The following PIKFYVE variants were observed in gnomAD, a reference collection of about 807,000 sequenced individuals.
PIKFYVE encodes 1-phosphatidylinositol 3-phosphate 5-kinase.
In PIKFYVE, 122 loss-of-function variants were observed where a neutral mutation model predicts 257.9. That is an observed-to-expected ratio of 0.47 (90% CI 0.41 to 0.55). The LOEUF (loss-of-function observed/expected upper bound fraction) is 0.55. PIKFYVE is among the 20% of genes least tolerant of loss of function. PIKFYVE has a pLI of 0.00. For synonymous variants in PIKFYVE, 892 were observed against 868.9 expected (o/e 1.03, Z -0.47); for missense variants, 2,160 against 2,536.6 (o/e 0.85, Z 3.19).
intron 24 of PIKFYVE, 69 bp downstream of exon 24, chr2:208,333,562 T>C (rs1266982906): frequency 4.7e-6 from 7 of 1,499,604 alleles, no homozygotes; most frequent in Non-Finnish European, 6.4e-6. Flanking sequence ...TTTTAACATT[T>C]TCACCATTAC....
chr2:208,352,499 A>C (rs1195187346), intron 38 of PIKFYVE, among the ~76,000 whole-genome samples, 155 bp from the exon 39 acceptor site: 2 of 152,154 alleles, frequency 1.3e-5, no homozygotes, highest in Admixed American at 6.5e-5. Flanking sequence ...TGCTGTACTC[A>C]CTTCTGAGAT....
At chr2:208,287,725 C>T (rs1691769428) in intron 6 of PIKFYVE, among the ~76,000 whole-genome samples, 1 of 151,740 alleles carries the variant, frequency 6.6e-6, no homozygotes, top group Admixed American at 6.6e-5. Flanking sequence ...CTTAGCCTCC[C>T]AATTAGCTGG....
rs1260243126 is a variant in PIKFYVE, at chr2:208,340,149, C to T, written c.4931+18C>T. The T allele has an allele frequency of 6.2e-7, 1 of 1,613,412 alleles. No homozygotes were observed. The highest frequency in any genetic ancestry group is 8.5e-7 in the Non-Finnish European group (1 of 1,179,570). On this transcript the variant is annotated intron_variant, in intron 31 of 41. Coordinates refer to ENST00000264380, the MANE Select transcript of PIKFYVE (RefSeq NM_015040.4). ...TTTCCTTTGTAAGTATTATTAAAAC[C>T]AGTGGCTCTTAGCAGGGGGGTTATT...
chr2:208,304,425 T>G, intron 11 of PIKFYVE, 107 bp downstream of exon 11: 1 of 1,416,804 alleles, frequency 7.1e-7, no homozygotes, highest in South Asian at 1.2e-5. Flanking sequence ...AATTTATGGC[T>G]CCAACTAAAT....
rs183883778 is a variant in PIKFYVE, at chr2:208,300,223, C to G, written c.1051-714C>G. ...TCAGAAAAAGGCTTAAACTGAAGGACTTGAACTGGACCTTGAGAGATGGAA... is the reference window on the plus strand; with the variant it reads ...TCAGAAAAAGGCTTAAACTGAAGGAGTTGAACTGGACCTTGAGAGATGGAA... On this transcript the variant is annotated intron_variant, in intron 8 of 41. Coordinates refer to ENST00000264380, the MANE Select transcript of PIKFYVE (RefSeq NM_015040.4). Among the ~76,000 whole-genome samples the G allele has an allele frequency of 7.9e-5, 12 of 152,218 alleles. 1 individual carries two copies. In the East Asian group the frequency reaches 2.3e-3, roughly 29 times the overall value.
Position 208,340,139 on chromosome 2 carries a change from T to G in PIKFYVE, c.4931+8T>G. ...TCCTATTCCATTTCCTTTGTAAGTATTATTAAAACCAGTGGCTCTTAGCAG... is the reference window on the plus strand; with the variant it reads ...TCCTATTCCATTTCCTTTGTAAGTAGTATTAAAACCAGTGGCTCTTAGCAG... On this transcript the variant is annotated splice_region_variant and intron_variant, in intron 31 of 41. Coordinates refer to ENST00000264380, the MANE Select transcript of PIKFYVE (RefSeq NM_015040.4). The G allele has an allele frequency of 6.2e-7, 1 of 1,613,922 alleles. No individual in the cohort carries two copies. Among genetic ancestry groups the G allele is most frequent in the Non-Finnish European group, 8.5e-7 (1 of 1,179,810 alleles).
At position 208,297,254 on chromosome 2, in the gene PIKFYVE, C is replaced by CA. The variant is rs200973425; in HGVS notation, c.912-1385dup. Among the ~76,000 whole-genome samples, 403 of 152,066 alleles carry CA rather than the reference C, an allele frequency of 2.7e-3. 1 individual carries two copies. The highest frequency in any genetic ancestry group is 8.8e-3 in the African/African-American group (365 of 41,470). ...TGTTGCCACTATATTAGAATATGTG[C>CA]AAGGATGGTTAAAATGATAGAGAAG... On this transcript the variant is annotated intron_variant, in intron 7 of 41. Coordinates refer to ENST00000264380, the MANE Select transcript of PIKFYVE (RefSeq NM_015040.4).
intron 5 of PIKFYVE, among the ~76,000 whole-genome samples, chr2:208,279,573 C>T (rs953217048): frequency 1.6e-4 from 24 of 152,168 alleles, no homozygotes; most frequent in African/African-American, 5.5e-4. Flanking sequence ...AATTAATTTT[C>T]GTATATGATG....
In PIKFYVE at chr2:208,347,985, G is replaced by T; in HGVS notation, c.5336G>T (p.Gly1779Val). 1 of 1,614,158 alleles carries T rather than the reference G, an allele frequency of 6.2e-7. No homozygotes were observed. Among genetic ancestry groups the T allele is most frequent in the Non-Finnish European group, 8.5e-7 (1 of 1,180,006 alleles). The change falls in exon 35 of 42, where the codon GGC (glycine) becomes GTC (valine). Residue 1779 changes from glycine to valine, a missense_variant. Gly to Val is a moderately radical substitution (Grantham distance 109, BLOSUM62 -3). This residue lies in a region of PIKFYVE where 699 missense variants were observed against 855.8 expected (regional missense o/e 0.82). Coordinates refer to ENST00000264380, the MANE Select transcript of PIKFYVE (RefSeq NM_015040.4). The stretch of plus-strand genomic sequence containing the variant: ...GCTTACTACCAGGTTGGGCAGACGG[G>T]CAAGGAGGGGACCGAGAATCAAGGC... ...DSAYYQVGQT[G>V]KEGTENQGVE...
In PIKFYVE at chr2:208,326,717, C is replaced by T. The variant is rs1696964348; in HGVS notation, c.3618+288C>T. On this transcript the variant is annotated intron_variant, in intron 20 of 41. Coordinates refer to ENST00000264380, the MANE Select transcript of PIKFYVE (RefSeq NM_015040.4). ...ATGTGGAGCTGCTTAAAATTTCTGA[C>T]AACATGACTTGGATGTGGTATGATA... is the stretch of plus-strand genomic sequence containing the variant. Among the ~76,000 whole-genome samples the T allele has an allele frequency of 2.0e-5, 3 of 152,088 alleles. No individual in the cohort carries two copies. In the South Asian group the frequency reaches 6.2e-4, roughly 32 times the overall value.
chr2:208,336,517 T>G (rs566015422), intron 27 of PIKFYVE, among the ~76,000 whole-genome samples: 1 of 152,294 alleles, frequency 6.6e-6, no homozygotes, highest in East Asian at 1.9e-4. Context: ...AAGTCACTAT[T>G]GGTTTTTGGC....
Position 208,277,684 on chromosome 2 carries a change from C to G in PIKFYVE, c.589C>G (p.Pro197Ala). The change falls in exon 5 of 42, where the codon CCT becomes GCT. Residue 197 changes from proline to alanine, a missense_variant. Coordinates refer to ENST00000264380, the MANE Select transcript of PIKFYVE (RefSeq NM_015040.4). Reference protein sequence around the residue: ...FCSRCCNQEIPGKFMGYTGDL... With the variant: ...FCSRCCNQEIAGKFMGYTGDL... ...CAGTCGTTGCTGTAATCAAGAAATC[C>G]CTGGAAAATTTATGGGCTATACAGG... is the stretch of plus-strand genomic sequence containing the variant. The G allele has an allele frequency of 6.2e-7, 1 of 1,613,746 alleles. No individual in the cohort carries two copies. Among genetic ancestry groups the G allele is most frequent in the Non-Finnish European group, 8.5e-7 (1 of 1,179,716 alleles).
At chr2:208,342,780 C>T (rs940373761) in intron 32 of PIKFYVE, 131 bp downstream of exon 32, 14 of 553,166 alleles carry the variant, frequency 2.5e-5, no homozygotes, top group African/African-American at 1.2e-4. Flanking sequence ...GTTCTTTAGT[C>T]GTGATAGCTT....
rs1194937805 is a variant in PIKFYVE at position 208,335,695 on chromosome 2, T to C, written c.4257-98T>C. On this transcript the variant is annotated intron_variant, in intron 25 of 41. Transcript: ENST00000264380. ...AATTCTTAATTAGGTAAAACATAAT[T>C]TCAATTACATTTTGCATGTAGCTTT... 15 of 1,018,844 alleles carry C rather than the reference T, an allele frequency of 1.5e-5. 1 individual carries two copies. Among genetic ancestry groups the C allele is most frequent in the Middle Eastern group, 6.0e-4 (2 of 3,340 alleles). 63.1% of individuals were successfully genotyped at this position (1,018,844 alleles called of 1,614,324 possible).
Position 208,326,346 on chromosome 2 carries a change from A to T in PIKFYVE, c.3535A>T (p.Thr1179Ser). The T allele has an allele frequency of 6.2e-7, 1 of 1,613,850 alleles. No individual in the cohort carries two copies. Among genetic ancestry groups the T allele is most frequent in the Non-Finnish European group, 8.5e-7 (1 of 1,179,908 alleles). ...TGCTCATTCAAAGGATGCATCAAGT[A>T]CTTCAAGTGGCCAATCAGGAAGCAA... ...PFAHSKDASS[T>S]SSGQSGSKNE... Residue 1179 changes from threonine to serine, a missense_variant, in exon 20 of 42, where the codon ACT becomes TCT. Physicochemically the swap from Thr to Ser is moderately conservative, Grantham distance 58. Coordinates refer to ENST00000264380, the MANE Select transcript of PIKFYVE (RefSeq NM_015040.4).
intron 35 of PIKFYVE, among the ~76,000 whole-genome samples, chr2:208,349,183 C>T (rs1375345451): frequency 6.6e-6 from 1 of 151,962 alleles, no homozygotes; most frequent in Non-Finnish European, 1.5e-5. Flanking sequence ...AAACCAACTG[C>T]TGTAATAAAT....
intron 23 of PIKFYVE, 116 bp from the exon 24 acceptor site, chr2:208,333,199 A>G (rs1697752037): frequency 9.7e-7 from 1 of 1,033,284 alleles, no homozygotes; most frequent in East Asian, 2.7e-5. Flanking sequence ...GAGCCACTGC[A>G]CTCCAGCCTG....
At chr2:208,344,401 A>T (rs567905612) in intron 32 of PIKFYVE, among the ~76,000 whole-genome samples, 51 of 152,172 alleles carry the variant, frequency 3.4e-4, no homozygotes, top group Admixed American at 7.9e-4. Context: ...CCTTTATAAG[A>T]TTCCATATGA....
chr2:208,336,333 C>T, intron 27 of PIKFYVE, 133 bp downstream of exon 27: 2 of 979,638 alleles, frequency 2.0e-6, no homozygotes. Flanking sequence ...TGTTTCCTGT[C>T]ACTCTCCTTT....
Sources: allele counts gnomAD v4.1 joint callset (sites outside exome capture counted in the v4.1 genomes callset), GRCh38; gene constraint gnomAD v4.1.1; regional missense constraint gnomAD v4.1.1; transcripts MANE v1.5; gene names NCBI Gene and HGNC (gene_info 2026-07-23, HGNC 2026-07-21).